The following CSMD1 variants were observed in gnomAD, a reference collection of about 807,000 sequenced individuals.
CSMD1 encodes the protein CUB and sushi domain-containing protein 1.
Under a neutral mutation model 417.5 loss-of-function variants are expected in CSMD1, and 213 were observed. That is an observed-to-expected ratio of 0.51 (90% CI 0.46 to 0.57). CSMD1 has a LOEUF of 0.57. Ranked by LOEUF, CSMD1 falls within the 20% of genes least tolerant of loss-of-function variation. The pLI is 0.00. For synonymous variants in CSMD1, 2,862 were observed against 1,736.8 expected (o/e 1.65, Z -16.11); for missense variants, 6,923 against 4,529.7 (o/e 1.53, Z -15.17).
At chr8:4,118,946 A>C (rs1802318283) in intron 3 of CSMD1, among the ~76,000 whole-genome samples, 1 of 152,192 alleles carries the variant, frequency 6.6e-6, no homozygotes, top group South Asian at 2.1e-4. Context: ...TTGGGGGGAC[A>C]TGGGTGAAGC....
intron 1 of CSMD1, among the ~76,000 whole-genome samples, chr8:4,906,859 T>G (rs894059760): frequency 6.6e-6 from 1 of 152,112 alleles, no homozygotes; most frequent in Non-Finnish European, 1.5e-5. Context: ...CCCCCGGCCT[T>G]GAGTTTCTTT....
intron 3 of CSMD1, among the ~76,000 whole-genome samples, chr8:4,320,269 G>A (rs11136729): frequency 0.17 from 25,468 of 152,098 alleles, 2,345 homozygotes; most frequent in East Asian, 0.32. Flanking sequence ...CCCACAACAA[G>A]TAGGAAAATA....
chr8:4,127,282 G>A (rs574925770), intron 3 of CSMD1, among the ~76,000 whole-genome samples: 321 of 151,644 alleles, frequency 2.1e-3, no homozygotes, highest in Non-Finnish European at 3.4e-3. Context: ...ATTCTCATGC[G>A]GCTCCCTCTG....
At chr8:3,321,893 G>C (rs899265148) in intron 23 of CSMD1, among the ~76,000 whole-genome samples, 3 of 152,132 alleles carry the variant, frequency 2.0e-5, no homozygotes, top group East Asian at 1.9e-4. Context: ...CACTCAACCA[G>C]AAATATGCAA....
chr8:3,718,463 C>G (rs1801963954), intron 6 of CSMD1, among the ~76,000 whole-genome samples: 1 of 152,300 alleles, frequency 6.6e-6, no homozygotes, highest in Non-Finnish European at 1.5e-5. Flanking sequence ...TATAAGTCAT[C>G]TTTTGCACCA....
chr8:4,949,947 C>T (rs1481920871), intron 1 of CSMD1, among the ~76,000 whole-genome samples: 1 of 151,832 alleles, frequency 6.6e-6, no homozygotes, highest in Non-Finnish European at 1.5e-5. Flanking sequence ...ATCTACATTG[C>T]AAGAATATTT....
At chr8:3,334,548 G>A (rs1563282964) in intron 23 of CSMD1, among the ~76,000 whole-genome samples, 1 of 152,194 alleles carries the variant, frequency 6.6e-6, no homozygotes, top group African/African-American at 2.4e-5. Context: ...AAACCAGCAT[G>A]ACAGCTACAT....
intron 5 of CSMD1, among the ~76,000 whole-genome samples, chr8:3,992,932 C>G (rs564943188): frequency 1.5e-3 from 224 of 152,334 alleles, no homozygotes; most frequent in Non-Finnish European, 2.4e-3. Context: ...GAATTGTTAA[C>G]ATGGGATAGG....
chr8:4,712,262 G>C (rs1808354826), intron 1 of CSMD1, among the ~76,000 whole-genome samples: 1 of 152,152 alleles, frequency 6.6e-6, no homozygotes, highest in African/African-American at 2.4e-5. Flanking sequence ...AATTGGCTGA[G>C]GATACATGTA....
intron 10 of CSMD1, among the ~76,000 whole-genome samples, chr8:3,501,146 T>TAG (rs529874239): frequency 2.6e-5 from 4 of 152,210 alleles, no homozygotes; most frequent in Non-Finnish European, 4.4e-5. Flanking sequence ...TCCATTCAAA[T>TAG]AGAGAGACCA....
At chr8:4,073,407 C>G (rs1053865398) in intron 3 of CSMD1, among the ~76,000 whole-genome samples, 5 of 152,024 alleles carry the variant, frequency 3.3e-5, no homozygotes, top group Admixed American at 2.6e-4. Context: ...TTAGAAGAAG[C>G]TGAGGGAAAT....
chr8:3,281,787 C>A (rs921480953), intron 26 of CSMD1, among the ~76,000 whole-genome samples: 13 of 152,252 alleles, frequency 8.5e-5, no homozygotes, highest in African/African-American at 3.1e-4. Flanking sequence ...TGGTTTGGAT[C>A]TGCGTCCCCA....
At chr8:4,854,067 G>A (rs547378232) in intron 1 of CSMD1, among the ~76,000 whole-genome samples, 12 of 152,200 alleles carry the variant, frequency 7.9e-5, no homozygotes, top group Middle Eastern at 3.4e-3. Flanking sequence ...CAGGGGGAAC[G>A]AACTCATCTC....
intron 18 of CSMD1, chr8:3,373,795 T>G (rs972330664): frequency 4.6e-5 from 7 of 152,200 alleles, no homozygotes; most frequent in African/African-American, 1.4e-4. Context: ...AATTTTACTT[T>G]TCTATTTATG....
At chr8:3,780,948 G>C (rs748408401) in intron 5 of CSMD1, among the ~76,000 whole-genome samples, 3 of 152,116 alleles carry the variant, frequency 2.0e-5, no homozygotes, top group Non-Finnish European at 4.4e-5. Flanking sequence ...TAAAAATAAA[G>C]CTCTAAAGAT....
intron 17 of CSMD1, among the ~76,000 whole-genome samples, chr8:3,393,880 C>T (rs902335049): frequency 6.7e-6 from 1 of 150,310 alleles, no homozygotes; most frequent in African/African-American, 2.4e-5. Flanking sequence ...AGGAGATATA[C>T]CTAATGTAAA....
intron 1 of CSMD1, among the ~76,000 whole-genome samples, chr8:4,880,090 T>C (rs1803297301): frequency 6.6e-6 from 1 of 152,076 alleles, no homozygotes; most frequent in Admixed American, 6.5e-5. Flanking sequence ...GTTTTGGCCG[T>C]TGTAATCTTA....
intron 10 of CSMD1, among the ~76,000 whole-genome samples, chr8:3,544,006 G>C (rs1798551201): frequency 2.6e-5 from 4 of 152,098 alleles, no homozygotes; most frequent in Admixed American, 2.0e-4. Flanking sequence ...AAGAAGCAGA[G>C]TCTAAGTAGG....
chr8:4,032,984 T>C (rs941624174), intron 3 of CSMD1, among the ~76,000 whole-genome samples: 1 of 152,010 alleles, frequency 6.6e-6, no homozygotes, highest in East Asian at 1.9e-4. Flanking sequence ...ACTGACAATC[T>C]GTTTGCGGAA....
Sources: allele counts gnomAD v4.1 joint callset (sites outside exome capture counted in the v4.1 genomes callset), GRCh38; gene constraint gnomAD v4.1.1; transcripts MANE v1.5; gene names NCBI Gene and HGNC (gene_info 2026-07-23, HGNC 2026-07-21).